SOX6: variants seen among roughly 807,000 people sequenced by gnomAD.
The protein encoded by SOX6 is SRY-box transcription factor 6, also known as transcription factor SOX-6.
Under a neutral mutation model 97.8 loss-of-function variants are expected in SOX6, and 11 were observed. The ratio of observed to expected loss-of-function variants is 0.11; its 90% CI spans 0.07 to 0.19. SOX6 has a LOEUF of 0.19. Ranked by LOEUF, SOX6 falls within the 10% of genes least tolerant of loss-of-function variation. SOX6 has a pLI of 1.00. For missense variants in SOX6, 810 were observed against 1,039.5 expected, an observed-to-expected ratio of 0.78 and a Z score of 3.04; for synonymous variants, 360 against 371.4, an observed-to-expected ratio of 0.97 and a Z score of 0.35.
intron 11 of SOX6, 56 bp from the exon 12 acceptor site, chr11:16,046,757 C>G: frequency 6.5e-7 from 1 of 1,533,334 alleles, no homozygotes; most frequent in African/African-American, 1.4e-5. Flanking sequence ...CTAAAAAGTA[C>G]TACTACTATC....
At chr11:16,537,334 A>G (rs1486821792) in intron 4 of SOX6, among the ~76,000 whole-genome samples, 1 of 152,176 alleles carries the variant, frequency 6.6e-6, no homozygotes, top group Non-Finnish European at 1.5e-5. Flanking sequence ...AACATCAAAG[A>G]CCAAAGGTAG....
At chr11:16,366,855 A>T (rs1311288668) in intron 1 of SOX6, among the ~76,000 whole-genome samples, 1 of 152,214 alleles carries the variant, frequency 6.6e-6, no homozygotes, top group African/African-American at 2.4e-5. Flanking sequence ...CAAGTGTAAG[A>T]GCATAAAACC....
chr11:16,564,845 T>C (rs896514185), intron 4 of SOX6, among the ~76,000 whole-genome samples: 2 of 152,054 alleles, frequency 1.3e-5, no homozygotes, highest in East Asian at 3.9e-4. Context: ...ACTAAATGCA[T>C]GCATAAGAAA....
Position 16,343,198 on chromosome 11 carries a change from T to C in SOX6, c.-4-1946A>G, listed in dbSNP as rs116507949. ...AAATTATAATTGTTCTGCAAGTTTA[T>C]CAAGAGCTTGCCACAAACAAGGGTG... On this transcript the variant is annotated intron_variant, in intron 1 of 15. Transcript: ENST00000683767. Among the ~76,000 whole-genome samples the C allele has an allele frequency of 2.0e-3, 306 of 152,042 alleles. 1 individual carries two copies. The highest frequency in any genetic ancestry group is 6.8e-3 in the African/African-American group (284 of 41,556).
In SOX6 at chr11:16,716,582, C is replaced by G. The variant is rs1421119227; in HGVS notation, n.354-1677G>C. Among the ~76,000 whole-genome samples, 5 of 152,008 alleles carry G rather than the reference C, an allele frequency of 3.3e-5. No homozygotes were observed. The East Asian group carries it at 9.6e-4, about 29-fold the overall frequency. ...AACCTTTTGGCATTATTATCTACTC[C>G]TAAGCATATCCCCAACAGTAACACA... is the stretch of plus-strand genomic sequence containing the variant. On this transcript the variant is annotated intron_variant and non_coding_transcript_variant, in intron 2 of 5. Transcript: ENST00000524520.
chr11:16,093,364 T>C (rs978817594), intron 9 of SOX6, among the ~76,000 whole-genome samples: 2 of 152,014 alleles, frequency 1.3e-5, no homozygotes, highest in Admixed American at 6.6e-5. Flanking sequence ...AAAAATGGTC[T>C]TTACGGAATC....
chr11:16,235,870 T>A (rs1853001001), intron 3 of SOX6, among the ~76,000 whole-genome samples: 2 of 152,066 alleles, frequency 1.3e-5, no homozygotes, highest in African/African-American at 4.8e-5. Context: ...GACCACTGCA[T>A]GGTTAGAAAG....
chr11:16,330,645 A>G (rs1856260691), intron 2 of SOX6, among the ~76,000 whole-genome samples: 1 of 152,216 alleles, frequency 6.6e-6, no homozygotes, highest in Non-Finnish European at 1.5e-5. Flanking sequence ...CTGGCAATTC[A>G]TTAGTACTCA....
In SOX6 at chr11:16,133,776, C is replaced by T. The variant is rs145101080; in HGVS notation, c.778-21853G>A. ...TGATCTTGGCTCATTGCAACCTCTG[C>T]CTCCCAGGTTCAAGCGATTCTCCTG... is the stretch of plus-strand genomic sequence containing the variant. On this transcript the variant is annotated intron_variant, in intron 6 of 15. Transcript: ENST00000683767. Among the ~76,000 whole-genome samples, 1,326 of 152,246 alleles carry T rather than the reference C, an allele frequency of 8.7e-3. 22 individuals carry two copies. The highest frequency in any genetic ancestry group is 0.03 in the African/African-American group (1,242 of 41,540).
intron 1 of SOX6, among the ~76,000 whole-genome samples, chr11:16,443,380 C>G (rs1197519218): frequency 6.6e-6 from 1 of 152,104 alleles, no homozygotes; most frequent in African/African-American, 2.4e-5. Flanking sequence ...CCATAAATGT[C>G]TGTGGATTGA....
intron 9 of SOX6, among the ~76,000 whole-genome samples, chr11:16,075,223 G>C (rs1368363542): frequency 6.6e-6 from 1 of 152,070 alleles, no homozygotes; most frequent in Non-Finnish European, 1.5e-5. Flanking sequence ...CCCAAGACTG[G>C]GTAATTTATA....
intron 6 of SOX6, among the ~76,000 whole-genome samples, chr11:16,143,214 A>T (rs182888195): frequency 1.3e-5 from 2 of 152,376 alleles, no homozygotes; most frequent in Admixed American, 6.5e-5. Flanking sequence ...CTTAAAGAAA[A>T]GAATTTTCAA....
chr11:16,447,241 T>C (rs574059237), intron 1 of SOX6, among the ~76,000 whole-genome samples: 43 of 152,260 alleles, frequency 2.8e-4, no homozygotes, highest in Non-Finnish European at 5.3e-4. Context: ...ATTAGGAAGT[T>C]ATTAGGATTT....
At chr11:16,020,766 C>T (rs890964290) in intron 12 of SOX6, among the ~76,000 whole-genome samples, 5 of 152,124 alleles carry the variant, frequency 3.3e-5, no homozygotes, top group Admixed American at 6.6e-5. Flanking sequence ...GTTAAAGAAT[C>T]GGACTTTTGG....
chr11:16,450,046 A>C (rs1859690357), intron 1 of SOX6, among the ~76,000 whole-genome samples: 1 of 152,174 alleles, frequency 6.6e-6, no homozygotes, highest in Non-Finnish European at 1.5e-5. Flanking sequence ...CTATGAGACT[A>C]TCTATTCCAG....
chr11:16,049,665 T>G, intron 11 of SOX6, 90 bp downstream of exon 11: 1 of 1,476,492 alleles, frequency 6.8e-7, no homozygotes, highest in Non-Finnish European at 9.3e-7. Flanking sequence ...TAAGGAGCAC[T>G]TTGGAAACAA....
chr11:16,546,818 A>G (rs937806483), intron 4 of SOX6, among the ~76,000 whole-genome samples: 1 of 152,200 alleles, frequency 6.6e-6, no homozygotes, highest in Non-Finnish European at 1.5e-5. Context: ...AACAGAATGA[A>G]GAGATAACCT....
intron 1 of SOX6, among the ~76,000 whole-genome samples, chr11:16,417,525 T>C (rs1858947116): frequency 6.6e-6 from 1 of 152,092 alleles, no homozygotes; most frequent in Non-Finnish European, 1.5e-5. Context: ...AACATCCATC[T>C]AAAAATAGAC....
At chr11:16,154,832 G>A (rs1850556251) in intron 6 of SOX6, among the ~76,000 whole-genome samples, 2 of 152,044 alleles carry the variant, frequency 1.3e-5, no homozygotes, top group Non-Finnish European at 2.9e-5. Context: ...TTTGTAACCA[G>A]GCATTTCCTG....
Sources: gnomAD v4.1 joint callset for allele counts (sites outside exome capture counted in the v4.1 genomes callset) on GRCh38, gnomAD v4.1.1 for gene constraint, MANE v1.5 for transcripts, NCBI Gene and HGNC (gene_info 2026-07-23, HGNC 2026-07-21) for gene names.